SFI1: variants seen among roughly 807,000 people sequenced by gnomAD.
SFI1 encodes the protein SFI1 centrin binding protein.
A neutral mutation model predicts 207.5 loss-of-function variants in SFI1; 195 were observed. The observed-to-expected ratio is 0.94, with a 90% CI of 0.84 to 1.06. The LOEUF is 1.06. Among genes scored for constraint, SFI1 ranks in the 50% least tolerant of loss-of-function variants. The pLI, the probability that SFI1 is intolerant of heterozygous loss-of-function variation, is 0.00. For synonymous variants in SFI1, 630 were observed against 598.9 expected (o/e 1.05, Z -0.76); for missense variants, 1,634 against 1,588.0 (o/e 1.03, Z -0.49).
intron 3 of SFI1, 52 bp from the exon 4 acceptor site, chr22:31,531,006 G>A (rs1235496415): frequency 1.8e-5 from 27 of 1,517,878 alleles, no homozygotes; most frequent in Non-Finnish European, 2.4e-5. Flanking sequence ...AACTGCTGAT[G>A]TAAGCCAAAT....
intron 15 of SFI1, among the ~76,000 whole-genome samples, chr22:31,592,970 TGGCCGGGCGGGG>T (rs2066311855): frequency 9.4e-6 from 1 of 106,288 alleles, no homozygotes; most frequent in Non-Finnish European, 1.9e-5. Flanking sequence ...ACGGGGCGGC[TGGCCGGGCGGGG>T]GGCTGACCCC....
chr22:31,603,653 C>T (rs912818937), intron 17 of SFI1, 91 bp from the exon 18 acceptor site: 5 of 1,105,848 alleles, frequency 4.5e-6, no homozygotes, highest in Non-Finnish European at 4.8e-6. Flanking sequence ...AAAACTTAAC[C>T]AGGTAGGGCT....
At position 31,611,290 on chromosome 22, in the gene SFI1, G is replaced by C. The variant is rs375991068; in HGVS notation, c.2402G>C (p.Cys801Ser). Residue 801 changes from cysteine (C) to serine (S), a missense_variant, in exon 23 of 33, where the codon TGT becomes TCT. Cys to Ser is a moderately radical substitution (Grantham distance 112). Coordinates refer to ENST00000400288, the MANE Select transcript of SFI1 (RefSeq NM_001007467.3). ...LARWKTHHLQ[C>S]VRKRLLHRQS... ...CGGTGGAAGACGCACCATCTGCAGTGTGTCAGGAAGAGGGTGAGGCTGACG... is the reference window on the plus strand; with the variant it reads ...CGGTGGAAGACGCACCATCTGCAGTCTGTCAGGAAGAGGGTGAGGCTGACG... 6.2e-7 allele frequency: 1 copy of C among 1,603,180 alleles called. No individual in the cohort carries two copies. The highest frequency in any genetic ancestry group is 1.3e-5 in the African/African-American group (1 of 74,772).
chr22:31,588,976 T>A (rs1322061404), intron 14 of SFI1, among the ~76,000 whole-genome samples: 1 of 152,224 alleles, frequency 6.6e-6, no homozygotes, highest in African/African-American at 2.4e-5. Context: ...TAGTAGACTT[T>A]TATAATTACA....
At chr22:31,559,894 C>A in intron 7 of SFI1, 1 of 652,340 alleles carries the variant, frequency 1.5e-6, no homozygotes. Flanking sequence ...ACACCAAGAC[C>A]ACTGGCCACC....
intron 2 of SFI1, among the ~76,000 whole-genome samples, chr22:31,522,352 C>G (rs890392814): frequency 6.6e-6 from 1 of 152,166 alleles, no homozygotes; most frequent in African/African-American, 2.4e-5. Flanking sequence ...GCCACCACGC[C>G]TGGCCTATTT....
At chr22:31,602,102 T>TA in intron 15 of SFI1, 110 bp from the exon 16 acceptor site, 1 of 922,788 alleles carries the variant, frequency 1.1e-6, no homozygotes. Context: ...TCACCTCTTA[T>TA]ACGATAGCAT....
At chr22:31,572,544 C>T (rs1232301174) in intron 8 of SFI1, among the ~76,000 whole-genome samples, 1 of 152,046 alleles carries the variant, frequency 6.6e-6, no homozygotes, top group Non-Finnish European at 1.5e-5. Flanking sequence ...TCTTGTCGCC[C>T]AGGCTGGAGT....
rs1340786488 is a variant in SFI1 at position 31,585,061 on chromosome 22, G to C, written c.1347-7G>C. ...GAAACCTGAAGGTGTTCTTCCTTTT[G>C]TTTCAGAATAGCACTGCTGTGCAAA... is the stretch of plus-strand genomic sequence containing the variant. On this transcript the variant is annotated splice_polypyrimidine_tract_variant and splice_region_variant and intron_variant, in intron 13 of 32. Coordinates refer to ENST00000400288, the MANE Select transcript of SFI1 (RefSeq NM_001007467.3). 2 of 1,611,222 alleles carry C rather than the reference G, an allele frequency of 1.2e-6. No individual in the cohort carries two copies. Among genetic ancestry groups the C allele is most frequent in the Admixed American group, 3.4e-5 (2 of 59,230 alleles).
chr22:31,570,659 T>C (rs921704692), intron 8 of SFI1, among the ~76,000 whole-genome samples: 2 of 151,994 alleles, frequency 1.3e-5, no homozygotes, highest in East Asian at 3.9e-4. Context: ...CCCAACACTT[T>C]GGGACGCTGA....
intron 1 of SFI1, among the ~76,000 whole-genome samples, chr22:31,503,140 A>C (rs940205425): frequency 4.0e-5 from 6 of 151,354 alleles, no homozygotes; most frequent in Admixed American, 2.6e-4. Flanking sequence ...CAGGGGCTTC[A>C]CTTTAGGGTA....
At chr22:31,549,085 C>T (rs925226683) in intron 5 of SFI1, among the ~76,000 whole-genome samples, 2 of 151,394 alleles carry the variant, frequency 1.3e-5, no homozygotes, top group Non-Finnish European at 2.9e-5. Flanking sequence ...CCCAGGAGTT[C>T]GAGACCAGCC....
At chr22:31,613,276 G>C in intron 25 of SFI1, 60 bp downstream of exon 25, 1 of 1,608,606 alleles carries the variant, frequency 6.2e-7, no homozygotes, top group Non-Finnish European at 8.5e-7. Context: ...GCCCTGCCTT[G>C]GGTGGAGGGA....
rs2068718951 is a variant in SFI1 at position 31,604,940 on chromosome 22, G to A, written c.2049G>A (p.Leu683=). ...AARESQHNRQ[L]LRGALRRWKE... ...GGGAGAGCCAGCACAACAGGCAGCTGCTGCGGTGAGTCTCCCGGGCGCCTC... is the reference window on the plus strand; with the variant it reads ...GGGAGAGCCAGCACAACAGGCAGCTACTGCGGTGAGTCTCCCGGGCGCCTC... Residue 683 remains leucine, a synonymous_variant, in exon 20 of 33, where the codon CTG becomes CTA. Transcript: ENST00000400288. The A allele has an allele frequency of 6.2e-7, 1 of 1,606,596 alleles. No homozygotes were observed. Among genetic ancestry groups the A allele is most frequent in the African/African-American group, 1.3e-5 (1 of 74,686 alleles).
intron 1 of SFI1, among the ~76,000 whole-genome samples, chr22:31,505,226 G>A (rs1035547445): frequency 1.4e-4 from 22 of 151,834 alleles, no homozygotes; most frequent in Admixed American, 5.2e-4. Context: ...ATCATTTAAG[G>A]TCAGGAGTTT....
At chr22:31,583,361 C>T (rs1428282841) in intron 12 of SFI1, among the ~76,000 whole-genome samples, 2 of 152,318 alleles carry the variant, frequency 1.3e-5, no homozygotes, top group East Asian at 1.9e-4. Flanking sequence ...GTGATCCACC[C>T]GCCTTGGCCT....
chr22:31,538,615 T>A (rs2059211283), intron 4 of SFI1: 1 of 152,496 alleles, frequency 6.6e-6, no homozygotes, highest in South Asian at 2.1e-4. Flanking sequence ...GTCACTACAT[T>A]TGCTAAAATC....
At position 31,580,212 on chromosome 22, in the gene SFI1, T is replaced by A. The variant is rs2063948014; in HGVS notation, c.1156-60T>A. 2.2e-6 allele frequency: 3 copies of A among 1,370,866 alleles called. No individual in the cohort carries two copies. The East Asian group carries it at 7.1e-5, about 32-fold the overall frequency. 84.9% of individuals were successfully genotyped at this position (1,370,866 alleles called of 1,614,324 possible). A position where few individuals can be genotyped will look rare whatever the true frequency, so the allele number is the denominator to read the frequency against. On this transcript the variant is annotated intron_variant, in intron 11 of 32. Transcript: ENST00000400288. ...GGCACTGTTTGCCTTCCTCTACTCTTAGTTTACAGACTCTACTGATCCCAG... is the reference window on the plus strand; with the variant it reads ...GGCACTGTTTGCCTTCCTCTACTCTAAGTTTACAGACTCTACTGATCCCAG...
intron 2 of SFI1, among the ~76,000 whole-genome samples, chr22:31,523,801 C>G (rs115070489): frequency 0.011 from 1,712 of 152,198 alleles, 33 homozygotes; most frequent in African/African-American, 0.039. Flanking sequence ...TCTGTGGAAT[C>G]AGGGTGTTTT....
Sources: allele counts gnomAD v4.1 joint callset (sites outside exome capture counted in the v4.1 genomes callset), GRCh38; gene constraint gnomAD v4.1.1; transcripts MANE v1.5; gene names NCBI Gene and HGNC (gene_info 2026-07-23, HGNC 2026-07-21).